ADCY9: variants seen among roughly 807,000 people sequenced by gnomAD.
The protein encoded by ADCY9 is adenylate cyclase 9.
Under a neutral mutation model 101.5 loss-of-function variants are expected in ADCY9, and 50 were observed. The observed-to-expected ratio is 0.49, with a 90% CI of 0.39 to 0.62. The LOEUF (loss-of-function observed/expected upper bound fraction) is 0.62. Ranked by LOEUF, ADCY9 falls within the 20% of genes least tolerant of loss-of-function variation. ADCY9 has a pLI of 0.00. For synonymous variants in ADCY9, 905 were observed against 769.3 expected (o/e 1.18, Z -2.92); for missense variants, 1,662 against 1,800.4 (o/e 0.92, Z 1.39).
chr16:4,078,515 G>A (rs2532016), intron 2 of ADCY9, among the ~76,000 whole-genome samples: 50,001 of 148,634 alleles, frequency 0.34, 8,904 homozygotes, highest in East Asian at 0.51. Context: ...GTGAGATCAC[G>A]CCACTGCACT....
chr16:4,101,517 G>A (rs1379341656), intron 2 of ADCY9, among the ~76,000 whole-genome samples: 1 of 152,048 alleles, frequency 6.6e-6, no homozygotes, highest in African/African-American at 2.4e-5. Context: ...GGACTCAAGC[G>A]ATCCTCCTAC....
chr16:4,116,248 G>C lies in ADCY9; in HGVS notation c.-602C>G, dbSNP rs1211008564. 4.1e-5 allele frequency: 6 copies of C among 145,878 alleles called. No homozygotes were observed. The highest frequency in any genetic ancestry group is 7.6e-5 in the Non-Finnish European group (5 of 65,632). The allele number at this position is 145,878 out of a possible 1,614,324, so 9.0% of individuals were successfully genotyped here. On this transcript the variant is annotated 5_prime_UTR_variant, in exon 1 of 11. Transcript: ENST00000294016. ...GGGCCCCTCGCCGGGCGGCGGTGCA[G>C]ACGCTGCCGCAGAGCCGGGCTCCCG...
At chr16:4,095,249 C>T (rs2056996281) in intron 2 of ADCY9, among the ~76,000 whole-genome samples, 1 of 152,184 alleles carries the variant, frequency 6.6e-6, no homozygotes, top group African/African-American at 2.4e-5. Flanking sequence ...GATCCACATG[C>T]CTCAGCCTCC....
At chr16:3,972,909 G>A (rs1183570654) in intron 10 of ADCY9, among the ~76,000 whole-genome samples, 1 of 152,082 alleles carries the variant, frequency 6.6e-6, no homozygotes, top group Non-Finnish European at 1.5e-5. Flanking sequence ...GTACTCTTCT[G>A]TGCATACTGA....
At chr16:4,042,877 T>A (rs1441085659) in intron 2 of ADCY9, among the ~76,000 whole-genome samples, 5 of 152,202 alleles carry the variant, frequency 3.3e-5, no homozygotes, top group Admixed American at 3.3e-4. Context: ...ACTGTATGAT[T>A]TGGGCAAGTT....
downstream of ADCY9, among the ~76,000 whole-genome samples, chr16:3,959,077 T>C (rs529476858): frequency 1.5e-4 from 23 of 152,224 alleles, no homozygotes; most frequent in East Asian, 4.1e-3. Flanking sequence ...TTTAAAAATG[T>C]TGGCCAGGCA....
chr16:4,109,279 G>C (rs964615233), intron 2 of ADCY9, among the ~76,000 whole-genome samples: 1 of 152,192 alleles, frequency 6.6e-6, no homozygotes, highest in African/African-American at 2.4e-5. Flanking sequence ...GCCCAGGCTG[G>C]AATGCAGTGG....
At chr16:4,090,025 G>A (rs1350553571) in intron 2 of ADCY9, among the ~76,000 whole-genome samples, 1 of 152,112 alleles carries the variant, frequency 6.6e-6, no homozygotes, top group Non-Finnish European at 1.5e-5. Flanking sequence ...TAACAGCTTG[G>A]CAGGCATCCC....
chr16:3,988,955 C>T, intron 6 of ADCY9, 39 bp downstream of exon 6: 1 of 1,481,634 alleles, frequency 6.7e-7, no homozygotes, highest in Non-Finnish European at 9.4e-7. Flanking sequence ...GAACAACAAA[C>T]ACATTCTTTA....
chr16:4,087,078 T>G (rs2056943758), intron 2 of ADCY9, among the ~76,000 whole-genome samples: 1 of 152,028 alleles, frequency 6.6e-6, no homozygotes, highest in Non-Finnish European at 1.5e-5. Context: ...TCCCAACAAG[T>G]TATGTCTTTT....
intron 3 of ADCY9, among the ~76,000 whole-genome samples, chr16:4,004,767 A>G (rs1445408845): frequency 6.6e-6 from 1 of 152,210 alleles, no homozygotes; most frequent in East Asian, 1.9e-4. Context: ...GGGACTGAGA[A>G]TTTGGAGACG....
chr16:4,114,072 G>A lies in ADCY9; in HGVS notation c.1371C>T (p.Asp457=). 6 of 1,613,858 alleles carry A rather than the reference G, an allele frequency of 3.7e-6. No homozygotes were observed. Among genetic ancestry groups the A allele is most frequent in the Non-Finnish European group, 5.1e-6 (6 of 1,180,036 alleles). The change falls in exon 2 of 11, where the codon GAC becomes GAT. Residue 457 remains aspartate (D), a synonymous_variant. Coordinates refer to ENST00000294016, the MANE Select transcript of ADCY9 (RefSeq NM_001116.4). The surrounding 1 kb of genome is among the most constrained non-coding windows in gnomAD (Gnocchi z 4.3). ...CVAGCPEPRA[D]HAYCCIEMGL... is the part of the protein sequence containing the mutation. ...CCATCTCGATGCAGCAGTAGGCATG[G>A]TCGGCCCGGGGCTCGGGACAGCCCG... is the stretch of plus-strand genomic sequence containing the variant.
At chr16:4,091,019 G>A (rs1156429134) in intron 2 of ADCY9, among the ~76,000 whole-genome samples, 3 of 151,938 alleles carry the variant, frequency 2.0e-5, no homozygotes, top group Non-Finnish European at 4.4e-5. Context: ...ACATCGGACT[G>A]CCACAGGTAA....
intron 2 of ADCY9, among the ~76,000 whole-genome samples, chr16:4,088,626 C>T (rs1205411642): frequency 2.6e-5 from 4 of 152,056 alleles, no homozygotes; most frequent in Non-Finnish European, 4.4e-5. Context: ...TCCTGAAGCT[C>T]GGTGATCACC....
At chr16:3,971,706 C>A (rs2056053556) in intron 10 of ADCY9, among the ~76,000 whole-genome samples, 1 of 152,118 alleles carries the variant, frequency 6.6e-6, no homozygotes, top group African/African-American at 2.4e-5. Flanking sequence ...GTTGACCTTT[C>A]TTTTGGTTTC....
At chr16:4,042,349 C>T (rs2056633347) in intron 2 of ADCY9, among the ~76,000 whole-genome samples, 1 of 152,098 alleles carries the variant, frequency 6.6e-6, no homozygotes, top group African/African-American at 2.4e-5. Flanking sequence ...TACATGTGAA[C>T]CAGCATGTCT....
intron 2 of ADCY9, among the ~76,000 whole-genome samples, chr16:4,101,507 G>C (rs2057043112): frequency 6.6e-6 from 1 of 152,004 alleles, no homozygotes. Context: ...TCGAGCTCCT[G>C]GACTCAAGCG....
chr16:4,021,310 G>A (rs758261084), intron 2 of ADCY9, among the ~76,000 whole-genome samples: 28 of 152,186 alleles, frequency 1.8e-4, no homozygotes, highest in Non-Finnish European at 2.9e-4. Flanking sequence ...AGGCCACGCC[G>A]GCAGCAGGTG....
intron 2 of ADCY9, among the ~76,000 whole-genome samples, chr16:4,070,061 G>A (rs1451100817): frequency 6.6e-6 from 1 of 152,102 alleles, no homozygotes; most frequent in African/African-American, 2.4e-5. Flanking sequence ...TTGCGCTACT[G>A]CACTCCAGCC....
Sources: gnomAD v4.1 joint callset for allele counts (sites outside exome capture counted in the v4.1 genomes callset) on GRCh38, gnomAD v4.1.1 for gene constraint, Gnocchi (gnomAD v3.1) non-coding constraint, MANE v1.5 for transcripts, NCBI Gene and HGNC (gene_info 2026-07-23, HGNC 2026-07-21) for gene names.